Variants in CWF19L2 observed in about 807,000 individuals in gnomAD.
CWF19L2 encodes the protein CWF19 like cell cycle control factor 2, also known as CWF19-like protein 2.
In CWF19L2, 98 loss-of-function variants were observed where a neutral mutation model predicts 111.7. That is an observed-to-expected ratio of 0.88 (90% CI 0.75 to 1.04). CWF19L2 has a LOEUF of 1.04. CWF19L2 is among the 50% of genes least tolerant of loss of function. The pLI, the probability that CWF19L2 is intolerant of heterozygous loss-of-function variation, is 0.00. For synonymous variants in CWF19L2, 351 were observed against 342.9 expected (o/e 1.02, Z -0.26); for missense variants, 1,101 against 1,051.4 (o/e 1.05, Z -0.65).
chr11:107,381,641 G>A (rs1860688002), intron 12 of CWF19L2, among the ~76,000 whole-genome samples: 1 of 152,038 alleles, frequency 6.6e-6, no homozygotes, highest in Non-Finnish European at 1.5e-5. Context: ...GCAATAAGCT[G>A]GCAATTTCAA....
chr11:107,386,668 T>C (rs554919024), intron 12 of CWF19L2, among the ~76,000 whole-genome samples: 25 of 152,282 alleles, frequency 1.6e-4, no homozygotes, highest in African/African-American at 6.0e-4. Context: ...CTTCTTAGTT[T>C]TATTTGCTGA....
intron 8 of CWF19L2, among the ~76,000 whole-genome samples, chr11:107,422,384 G>A (rs574397633): frequency 6.6e-6 from 1 of 152,136 alleles, no homozygotes; most frequent in East Asian, 1.9e-4. Flanking sequence ...AGGGACAACT[G>A]TAGTCTATAA....
chr11:107,421,293 T>C (rs1344167686), intron 8 of CWF19L2, among the ~76,000 whole-genome samples: 1 of 151,934 alleles, frequency 6.6e-6, no homozygotes, highest in African/African-American at 2.4e-5. Flanking sequence ...GCACTAAATA[T>C]TTATATTAGA....
chr11:107,357,651 G>A (rs754395429), intron 12 of CWF19L2, among the ~76,000 whole-genome samples: 2 of 152,048 alleles, frequency 1.3e-5, no homozygotes, highest in African/African-American at 2.4e-5. Flanking sequence ...ACTGAAATAT[G>A]GTCCCTACTG....
intron 12 of CWF19L2, among the ~76,000 whole-genome samples, chr11:107,354,641 A>G (rs115409087): frequency 0.012 from 1,777 of 152,316 alleles, 28 homozygotes; most frequent in African/African-American, 0.04. Context: ...ACTGTATATA[A>G]TATTTTTAAT....
intron 10 of CWF19L2, among the ~76,000 whole-genome samples, chr11:107,398,964 G>A (rs977756018): frequency 5.3e-5 from 8 of 152,088 alleles, no homozygotes; most frequent in Non-Finnish European, 1.2e-4. Flanking sequence ...AGACACAGTT[G>A]TTTTCAGACA....
intron 12 of CWF19L2, among the ~76,000 whole-genome samples, chr11:107,389,628 T>C (rs1329401230): frequency 6.6e-6 from 1 of 152,202 alleles, no homozygotes; most frequent in African/African-American, 2.4e-5. Flanking sequence ...TATAAATAGA[T>C]GTAAGATTAT....
intron 12 of CWF19L2, among the ~76,000 whole-genome samples, chr11:107,354,306 T>C (rs1860203477): frequency 6.6e-6 from 1 of 152,200 alleles, no homozygotes; most frequent in Non-Finnish European, 1.5e-5. Flanking sequence ...AAATCATACA[T>C]ACATAAAGTC....
chr11:107,380,640 T>C (rs1035840277), intron 12 of CWF19L2, among the ~76,000 whole-genome samples: 2 of 152,202 alleles, frequency 1.3e-5, no homozygotes, highest in Non-Finnish European at 2.9e-5. Flanking sequence ...TGTAAAATTG[T>C]TCAAACTGTG....
At position 107,391,696 on chromosome 11, in the gene CWF19L2, CA is replaced by C. The variant is rs1331426559; in HGVS notation, c.1734+1082del. On this transcript the variant is annotated intron_variant, in intron 11 of 17. Transcript: ENST00000282251. ...AATGCTGCTCTCACATTCCCTTATC[CA>C]AATAAAACCTTGTCTTTAACTTCTT... 3.3e-5 allele frequency among the ~76,000 whole-genome samples: 5 copies of C among 152,294 alleles called. No homozygotes were observed. The East Asian group carries it at 9.6e-4, about 29-fold the overall frequency.
In CWF19L2 at chr11:107,428,899, G is replaced by A. The variant is rs754939720; in HGVS notation, c.1333C>T (p.His445Tyr). Residue 445 changes from histidine to tyrosine, a missense_variant, in exon 8 of 18, where the codon CAT becomes TAT. Physicochemically the swap from His to Tyr is moderately conservative, Grantham distance 83. Transcript: ENST00000282251. ...TTTTCTCTTGGGTCTTCTGGAACAT[G>A]TTGGTGTTCATCAGTACTGGTTTCC... Reference protein sequence around the residue: ...PSETSTDEHQHVPEDPREKSQ... With the variant: ...PSETSTDEHQYVPEDPREKSQ... 6 of 1,613,522 alleles carry A rather than the reference G, an allele frequency of 3.7e-6. No homozygotes were observed. Among genetic ancestry groups the A allele is most frequent in the Non-Finnish European group, 5.1e-6 (6 of 1,179,634 alleles).
At chr11:107,408,168 C>T (rs542005060) in intron 10 of CWF19L2, among the ~76,000 whole-genome samples, 8 of 151,968 alleles carry the variant, frequency 5.3e-5, no homozygotes, top group South Asian at 4.2e-4. Flanking sequence ...TTTGAAGGAC[C>T]GTCAAAGGAC....
At chr11:107,440,101 A>G (rs983390183) in intron 5 of CWF19L2, among the ~76,000 whole-genome samples, 2 of 152,128 alleles carry the variant, frequency 1.3e-5, no homozygotes, top group African/African-American at 4.8e-5. Context: ...TATGGTCTAG[A>G]GAAGGGGGAA....
At chr11:107,427,120 T>C (rs1861389294) in intron 8 of CWF19L2, among the ~76,000 whole-genome samples, 1 of 152,084 alleles carries the variant, frequency 6.6e-6, no homozygotes, top group Non-Finnish European at 1.5e-5. Flanking sequence ...ATTTTTCCAA[T>C]CATGACCATT....
At chr11:107,406,920 A>C (rs1861086890) in intron 10 of CWF19L2, among the ~76,000 whole-genome samples, 1 of 151,982 alleles carries the variant, frequency 6.6e-6, no homozygotes, top group African/African-American at 2.4e-5. Context: ...AAATAGCTAT[A>C]TTAATTATAA....
At position 107,326,817 on chromosome 11, in the gene CWF19L2, T is replaced by C. The variant is rs141912497; in HGVS notation, c.*93A>G. 6.1e-5 allele frequency: 66 copies of C among 1,077,388 alleles called. No individual in the cohort carries two copies. In the Middle Eastern group the frequency reaches 8.8e-4, roughly 14 times the overall value. 66.7% of individuals were successfully genotyped at this position (1,077,388 alleles called of 1,614,324 possible). A position where few individuals can be genotyped will look rare whatever the true frequency, so the allele number is the denominator to read the frequency against. The stretch of plus-strand genomic sequence containing the variant: ...AGCAGTCTGCTGCTGTGACTCTCTC[T>C]GCCTGTGACCTGAGGGTCAGTTGCT... On this transcript the variant is annotated 3_prime_UTR_variant, in exon 18 of 18. Coordinates refer to ENST00000282251, the MANE Select transcript of CWF19L2 (RefSeq NM_152434.3).
At chr11:107,453,161 T>G (rs759234248) in intron 3 of CWF19L2, among the ~76,000 whole-genome samples, 1 of 152,226 alleles carries the variant, frequency 6.6e-6, no homozygotes, top group Non-Finnish European at 1.5e-5. Context: ...CTTAAAATGA[T>G]GCTCTACATC....
intron 6 of CWF19L2, among the ~76,000 whole-genome samples, chr11:107,437,215 T>C (rs1861554596): frequency 6.6e-6 from 1 of 152,186 alleles, no homozygotes; most frequent in African/African-American, 2.4e-5. Flanking sequence ...TCTAATTTAA[T>C]CTTCACATTA....
At position 107,457,708 on chromosome 11, in the gene CWF19L2, G is replaced by A. The variant is rs1421628895; in HGVS notation, c.105+4C>T. 2.6e-6 allele frequency: 4 copies of A among 1,547,978 alleles called. No individual in the cohort carries two copies. The highest frequency in any genetic ancestry group is 3.5e-6 in the Non-Finnish European group (4 of 1,143,768). On this transcript the variant is annotated splice_donor_region_variant and intron_variant, in intron 1 of 17. Transcript: ENST00000282251. ...TAACTACAAAAGCCCCAAAACAGAGGTACCTGGCGCAACACCTCGGCCCTG... is the reference window on the plus strand; with the variant it reads ...TAACTACAAAAGCCCCAAAACAGAGATACCTGGCGCAACACCTCGGCCCTG...
Sources: allele counts gnomAD v4.1 joint callset (sites outside exome capture counted in the v4.1 genomes callset), GRCh38; gene constraint gnomAD v4.1.1; transcripts MANE v1.5; gene names NCBI Gene and HGNC (gene_info 2026-07-23, HGNC 2026-07-21).